The following PLAC1 variants were observed in gnomAD, a reference collection of about 807,000 sequenced individuals.
PLAC1 encodes placenta-specific protein 1.
For synonymous variants in PLAC1, 68 were observed against 62.1 expected (o/e 1.09, Z -0.44); for missense variants, 136 against 163.2 (o/e 0.83, Z 0.91).
intron 2 of PLAC1, among the ~76,000 whole-genome samples, chrX:134,675,843 C>A (rs2078472626): frequency 9.0e-6 from 1 of 111,369 alleles, no homozygotes; most frequent in Non-Finnish European, 1.9e-5. Flanking sequence ...GTCACAACAC[C>A]ATTGCTCAAC....
At chrX:134,649,642 T>G (rs2078352586) in intron 1 of PLAC1, among the ~76,000 whole-genome samples, 1 of 111,965 alleles carries the variant, frequency 8.9e-6, no homozygotes, top group Non-Finnish European at 1.9e-5. Context: ...GAAGAGGAAA[T>G]ACATCCAAAT....
intron 1 of PLAC1, among the ~76,000 whole-genome samples, chrX:134,642,655 G>A (rs763415190): frequency 9.0e-6 from 1 of 111,261 alleles, no homozygotes; most frequent in East Asian, 2.8e-4. Flanking sequence ...AGAATGAGTA[G>A]GAGTCAGCCA....
At chrX:134,600,836 T>C (rs1347924541) in intron 2 of PLAC1, 1 of 111,126 alleles carries the variant, frequency 9.0e-6, no homozygotes, top group African/African-American at 3.3e-5. Flanking sequence ...AAATGACTCA[T>C]AATCCCACAA....
intron 1 of PLAC1, among the ~76,000 whole-genome samples, chrX:134,633,548 G>C (rs2078271245): frequency 1.8e-5 from 2 of 111,891 alleles, no homozygotes; most frequent in Admixed American, 1.9e-4. Flanking sequence ...AATTTGTACA[G>C]CTGCTTTTTC....
At chrX:134,724,880 T>C (rs1333417900) in intron 2 of PLAC1, among the ~76,000 whole-genome samples, 1 of 110,605 alleles carries the variant, frequency 9.0e-6, no homozygotes, top group African/African-American at 3.3e-5. Flanking sequence ...GGAGTGCACC[T>C]GTAGTCCCAG....
intron 1 of PLAC1, among the ~76,000 whole-genome samples, chrX:134,622,271 G>A (rs970966068): frequency 2.7e-4 from 30 of 111,795 alleles, no homozygotes; most frequent in African/African-American, 9.4e-4. Context: ...TTTTCCTCAT[G>A]GGCCCACGGT....
upstream of PLAC1, among the ~76,000 whole-genome samples, chrX:134,660,207 C>A (rs748003129): frequency 7.3e-5 from 8 of 109,822 alleles, no homozygotes; most frequent in Non-Finnish European, 1.5e-4. Flanking sequence ...TGGGTTCAAG[C>A]GATTCTTCTG....
rs2078633412 is a variant in PLAC1, at chrX:134,713,245, C to T, written n.174+20190G>A. 4.5e-5 allele frequency among the ~76,000 whole-genome samples: 5 copies of T among 111,985 alleles called. No homozygotes were observed. In the Admixed American group the frequency reaches 4.8e-4, roughly 11 times the overall value. On this transcript the variant is annotated intron_variant and non_coding_transcript_variant, in intron 2 of 2. Coordinates refer to the PLAC1 transcript ENST00000466797. ...CCGACCTCAGATAAGCCTCACATTG[C>T]ATTTGCAACACTCATACATTGGGAT...
chrX:134,731,982 G>A (rs1452200719), intron 2 of PLAC1, among the ~76,000 whole-genome samples: 1 of 111,748 alleles, frequency 8.9e-6, no homozygotes, highest in Non-Finnish European at 1.9e-5. Context: ...GATTGCACCT[G>A]CAAGTCATGC....
intron 1 of PLAC1, chrX:134,650,924 G>T: frequency 5.5e-6 from 1 of 181,898 alleles, no homozygotes; most frequent in South Asian, 1.2e-4. Context: ...AGCCAAAGAT[G>T]AACGTGGACC....
At chrX:134,609,307 G>A (rs1196017600) in intron 1 of PLAC1, among the ~76,000 whole-genome samples, 1 of 111,089 alleles carries the variant, frequency 9.0e-6, no homozygotes, top group Admixed American at 9.6e-5. Flanking sequence ...ATAACAACTG[G>A]AAATAACATC....
intron 2 of PLAC1, chrX:134,601,841 T>C (rs1474791223): frequency 8.9e-6 from 1 of 112,160 alleles, no homozygotes; most frequent in African/African-American, 3.2e-5. Context: ...TTGCAAACAA[T>C]AGAGGTTCCA....
At chrX:134,640,606 A>T (rs2078303350) in intron 1 of PLAC1, among the ~76,000 whole-genome samples, 1 of 111,819 alleles carries the variant, frequency 8.9e-6, no homozygotes, top group Non-Finnish European at 1.9e-5. Flanking sequence ...CTCTGGGGCC[A>T]CTGAAAATGC....
At chrX:134,722,521 C>T (rs1407869898) in intron 2 of PLAC1, among the ~76,000 whole-genome samples, 3 of 111,219 alleles carry the variant, frequency 2.7e-5, no homozygotes, top group African/African-American at 6.5e-5. Flanking sequence ...GGAGTTGGGG[C>T]GAGGAGGAAA....
chrX:134,604,005 A>G (rs1012432219), intron 1 of PLAC1, among the ~76,000 whole-genome samples: 3 of 112,551 alleles, frequency 2.7e-5, no homozygotes, highest in African/African-American at 9.7e-5. Flanking sequence ...CAGATTCACT[A>G]AAAGATTCAC....
At chrX:134,611,661 A>T (rs2078154388) in intron 1 of PLAC1, among the ~76,000 whole-genome samples, 1 of 110,335 alleles carries the variant, frequency 9.1e-6, no homozygotes, top group South Asian at 3.9e-4. Context: ...AAAATTTCGC[A>T]AAAGAATGAA....
At position 134,717,855 on chromosome X, in the gene PLAC1, G is replaced by A. The variant is rs2078647706; in HGVS notation, n.174+15580C>T. On this transcript the variant is annotated intron_variant and non_coding_transcript_variant, in intron 2 of 2. Coordinates refer to the PLAC1 transcript ENST00000466797. ...CACCATGTGCTTGAATTTGTCAAATGTCACACACTCTATTTCAAACATGTG... is the reference window on the plus strand; with the variant it reads ...CACCATGTGCTTGAATTTGTCAAATATCACACACTCTATTTCAAACATGTG... Among the ~76,000 whole-genome samples, 3 of 112,151 alleles carry A rather than the reference G, an allele frequency of 2.7e-5. No individual in the cohort carries two copies. In the South Asian group the frequency reaches 1.1e-3, roughly 42 times the overall value.
intron 2 of PLAC1, among the ~76,000 whole-genome samples, chrX:134,731,818 T>A (rs768242123): frequency 3.6e-5 from 4 of 111,901 alleles, no homozygotes; most frequent in Non-Finnish European, 7.5e-5. Flanking sequence ...ATGGCCTCCA[T>A]CCTTGGGAGC....
chrX:134,646,040 T>C (rs57129336), intron 1 of PLAC1, among the ~76,000 whole-genome samples: 1,610 of 112,008 alleles, frequency 0.014, 18 homozygotes, highest in African/African-American at 0.037. Context: ...CTTCCAGAAG[T>C]GAGCCGGGGA....
Sources: allele counts gnomAD v4.1 joint callset (sites outside exome capture counted in the v4.1 genomes callset), GRCh38; gene constraint gnomAD v4.1.1; transcripts MANE v1.5; gene names NCBI Gene and HGNC (gene_info 2026-07-23, HGNC 2026-07-21).